The following LGALSL variants were observed in gnomAD, a reference collection of about 807,000 sequenced individuals.
LGALSL encodes the protein galectin-related protein.
In LGALSL, 13 loss-of-function variants were observed where a neutral mutation model predicts 19.5. The observed-to-expected ratio is 0.67, with a 90% CI of 0.43 to 1.06. The LOEUF (loss-of-function observed/expected upper bound fraction) is 1.06. Among genes scored for constraint, LGALSL ranks in the 50% least tolerant of loss-of-function variants. LGALSL has a pLI of 0.00. For missense variants in LGALSL, 189 were observed against 219.3 expected, an observed-to-expected ratio of 0.86 and a Z score of 0.87; for synonymous variants, 86 against 78.3, an observed-to-expected ratio of 1.10 and a Z score of -0.52.
rs1052498130 is a variant in LGALSL, at chr2:64,454,797, G to A, written c.36+216G>A. ...GGCTGCGGGGCTCTGGGCTGGGGAG[G>A]GAGTTTGGGGAGGATGGCGGGTAGG... On this transcript the variant is annotated intron_variant, in intron 1 of 4. Transcript: ENST00000238875. The surrounding 1 kb of genome is among the most constrained non-coding windows in gnomAD (Gnocchi z 5.1). Among the ~76,000 whole-genome samples the A allele has an allele frequency of 5.9e-5, 9 of 151,980 alleles. No homozygotes were observed. Among genetic ancestry groups the A allele is most frequent in the African/African-American group, 1.9e-4 (8 of 41,384 alleles).
Position 64,458,578 on chromosome 2 carries a change from AAGCTGTTGGGACAAAGACACCG to A in LGALSL, c.*154_*175del. The stretch of plus-strand genomic sequence containing the variant: ...TAAGGGTGGTTTGCCCTTAAGAAGA[AAGCTGTTGGGACAAAGACACCG>A]AGCCATTATACCCAGAATAAAATAA... On this transcript the variant is annotated 3_prime_UTR_variant, in exon 5 of 5. Coordinates refer to ENST00000238875, the MANE Select transcript of LGALSL (RefSeq NM_014181.3). 1 of 707,190 alleles carries A rather than the reference AAGCTGTTGGGACAAAGACACCG, an allele frequency of 1.4e-6. No individual in the cohort carries two copies. Among genetic ancestry groups the A allele is most frequent in the Non-Finnish European group, 2.3e-6 (1 of 438,706 alleles). 43.8% of individuals were successfully genotyped at this position (707,190 alleles called of 1,614,324 possible). A position where few individuals can be genotyped will look rare whatever the true frequency, so the allele number is the denominator to read the frequency against.
rs913256456 is a variant in LGALSL at position 64,460,324 on chromosome 2, C to A, written c.*1896C>A. 1 of 152,146 alleles carries A rather than the reference C, an allele frequency of 6.6e-6. No homozygotes were observed. Among genetic ancestry groups the A allele is most frequent in the African/African-American group, 2.4e-5 (1 of 41,424 alleles). 9.4% of individuals were successfully genotyped at this position (152,146 alleles called of 1,614,324 possible). A position where few individuals can be genotyped will look rare whatever the true frequency, so the allele number is the denominator to read the frequency against. On this transcript the variant is annotated 3_prime_UTR_variant, in exon 5 of 5. Transcript: ENST00000238875. Reference sequence around the variant, plus strand: ...TTCTGTGGTTCCAGGTATTTTCAAGCCTGTGATTAACTTCTCATGGCTTGT... The same window carrying A: ...TTCTGTGGTTCCAGGTATTTTCAAGACTGTGATTAACTTCTCATGGCTTGT...
At position 64,456,594 on chromosome 2, in the gene LGALSL, GA is replaced by G. The variant is rs373630666; in HGVS notation, c.375+138del. On this transcript the variant is annotated intron_variant, in intron 4 of 4. Coordinates refer to ENST00000238875, the MANE Select transcript of LGALSL (RefSeq NM_014181.3). ...TCCAGGAAATTTGTCACCCAATGGT[GA>G]AAAAAAAAGATCAAAAGAGCTCTGT... 145 of 646,308 alleles carry G rather than the reference GA, an allele frequency of 2.2e-4. 1 individual carries two copies. Among genetic ancestry groups the G allele is most frequent in the Middle Eastern group, 8.7e-4 (2 of 2,290 alleles). The allele number at this position is 646,308 out of a possible 1,614,324, so 40.0% of individuals were successfully genotyped here.
rs933753597 is a variant in LGALSL, at chr2:64,458,429, T to C, written c.*1T>C. On this transcript the variant is annotated 3_prime_UTR_variant, in exon 5 of 5. Coordinates refer to ENST00000238875, the MANE Select transcript of LGALSL (RefSeq NM_014181.3). ...CCTCCAGATCACCAAGCTTGGCTGATTTAAACCACCTCTATTTCAAATAGG... is the reference window on the plus strand; with the variant it reads ...CCTCCAGATCACCAAGCTTGGCTGACTTAAACCACCTCTATTTCAAATAGG... 1.2e-6 allele frequency: 2 copies of C among 1,612,114 alleles called. No individual in the cohort carries two copies. Among genetic ancestry groups the C allele is most frequent in the Non-Finnish European group, 1.7e-6 (2 of 1,178,974 alleles).
In LGALSL at chr2:64,454,984, G is replaced by A. The variant is rs562107489; in HGVS notation, c.37-360G>A. On this transcript the variant is annotated intron_variant, in intron 1 of 4. Transcript: ENST00000238875. This position sits in a 1 kb window ranked among gnomAD's most constrained non-coding sequence, Gnocchi z 5.1. ...CTCCCGAGAGAAGTTGAGCACGGCC[G>A]CTGCACTTCAGTCACGTCCCGAAGG... Among the ~76,000 whole-genome samples the A allele has an allele frequency of 7.2e-5, 11 of 152,304 alleles. No homozygotes were observed. Among genetic ancestry groups the A allele is most frequent in the African/African-American group, 2.4e-4 (10 of 41,584 alleles).
rs745986136 is a variant in LGALSL, at chr2:64,455,591, A to G, written c.111A>G (p.Ile37Met). ...TTTTCTTCTCCCACCCTTTTCAGAT[A>G]GTTCCATTTTGTGGGCACATTAAAG... ...VQADVYFPRL[I>M]VPFCGHIKGG... Residue 37 changes from isoleucine (I) to methionine (M), a missense_variant and splice_region_variant, in exon 3 of 5, where the codon ATA (isoleucine) becomes ATG (methionine). Transcript: ENST00000238875. 4.3e-6 allele frequency: 7 copies of G among 1,613,546 alleles called. No individual in the cohort carries two copies.
intron 4 of LGALSL, 65 bp downstream of exon 4, chr2:64,456,530 T>C: frequency 7.5e-7 from 1 of 1,335,464 alleles, no homozygotes. Flanking sequence ...TTACCTAGTG[T>C]GTGCCAAGAA....
At chr2:64,456,489 T>G in intron 4 of LGALSL, 24 bp downstream of exon 4, 2 of 1,509,774 alleles carry the variant, frequency 1.3e-6, no homozygotes, top group Non-Finnish European at 1.8e-6. Context: ...GTGCCTCGGC[T>G]CCAGCCACTG....
chr2:64,454,458 G>GCGCCCC lies in LGALSL; in HGVS notation c.-75_-70dup, dbSNP rs1218187750. The GCGCCCC allele has an allele frequency of 2.4e-5, 16 of 670,052 alleles. No individual in the cohort carries two copies. Among genetic ancestry groups the GCGCCCC allele is most frequent in the South Asian group, 2.1e-4 (3 of 14,048 alleles). The allele number at this position is 670,052 out of a possible 1,614,324, so 41.5% of individuals were successfully genotyped here. A position where few individuals can be genotyped will look rare whatever the true frequency, so the allele number is the denominator to read the frequency against. On this transcript the variant is annotated 5_prime_UTR_variant, in exon 1 of 5. Coordinates refer to ENST00000238875, the MANE Select transcript of LGALSL (RefSeq NM_014181.3). This position sits in a 1 kb window ranked among gnomAD's most constrained non-coding sequence, Gnocchi z 5.1. ...GCGCGCCCGCCGCCAGCTCGGACCC[G>GCGCCCC]CGCCCCCGCCCCCGCCCCGCGCAGG... is the stretch of plus-strand genomic sequence containing the variant.
rs1284588143 is a variant in LGALSL, at chr2:64,456,427, A to G, written c.337A>G (p.Ile113Val). The part of the protein sequence containing the change: ...SGERGEEQSA[I>V]PYFPFIPDQP... ...GGAGAGGGGTGAAGAACAGTCAGCAATCCCTTACTTTCCATTCATTCCAGA... is the reference window on the plus strand; with the variant it reads ...GGAGAGGGGTGAAGAACAGTCAGCAGTCCCTTACTTTCCATTCATTCCAGA... Residue 113 changes from isoleucine to valine, a missense_variant, in exon 4 of 5, where the codon ATC becomes GTC. Ile to Val is a conservative substitution (Grantham distance 29). Around this residue, in one of 3 missense-constraint regions of LGALSL, gnomAD observed 106 missense variants for 119.3 expected, o/e 0.89. Transcript: ENST00000238875. 2 of 1,604,354 alleles carry G rather than the reference A, an allele frequency of 1.2e-6. No homozygotes were observed. The highest frequency in any genetic ancestry group is 3.4e-5 in the Admixed American group (2 of 58,756).
chr2:64,456,372 G>A lies in LGALSL; in HGVS notation c.282G>A (p.Arg94=). The change falls in exon 4 of 5, where the codon CGG becomes CGA. Residue 94 remains arginine (R), a synonymous_variant. Transcript: ENST00000238875. ...AIELKAVFTD[R]QLLRNSCISG... ...AACTCAAAGCTGTGTTCACAGATCGGCAGCTACTCAGAAATTCTTGTATAT... is the reference window on the plus strand; with the variant it reads ...AACTCAAAGCTGTGTTCACAGATCGACAGCTACTCAGAAATTCTTGTATAT... 6.2e-7 allele frequency: 1 copy of A among 1,612,100 alleles called. No individual in the cohort carries two copies. Among genetic ancestry groups the A allele is most frequent in the South Asian group, 1.1e-5 (1 of 90,680 alleles).
chr2:64,458,475 G>T lies in LGALSL; in HGVS notation c.*47G>T. ...ATAGGATCACGTGCCACAACTATCT[G>T]ACTGTTGGTCTGGAAGAAGTGTCCT... On this transcript the variant is annotated 3_prime_UTR_variant, in exon 5 of 5. Transcript: ENST00000238875. The T allele has an allele frequency of 6.4e-7, 1 of 1,569,660 alleles. No homozygotes were observed. Among genetic ancestry groups the T allele is most frequent in the South Asian group, 1.1e-5 (1 of 87,006 alleles).
At position 64,458,584 on chromosome 2, in the gene LGALSL, T is replaced by C. The variant is rs1167501638; in HGVS notation, c.*156T>C. The stretch of plus-strand genomic sequence containing the variant: ...TGGTTTGCCCTTAAGAAGAAAGCTG[T>C]TGGGACAAAGACACCGAGCCATTAT... On this transcript the variant is annotated 3_prime_UTR_variant, in exon 5 of 5. Coordinates refer to ENST00000238875, the MANE Select transcript of LGALSL (RefSeq NM_014181.3). 2 of 670,148 alleles carry C rather than the reference T, an allele frequency of 3.0e-6. No homozygotes were observed. The highest frequency in any genetic ancestry group is 2.9e-5 in the Admixed American group (1 of 34,460). 41.5% of individuals were successfully genotyped at this position (670,148 alleles called of 1,614,324 possible).
Position 64,458,524 on chromosome 2 carries a change from G to T in LGALSL, c.*96G>T. On this transcript the variant is annotated 3_prime_UTR_variant, in exon 5 of 5. Coordinates refer to ENST00000238875, the MANE Select transcript of LGALSL (RefSeq NM_014181.3). ...CTAGCAAGATCTGGAGACTTAAAAA[G>T]AAAACAAAAACAAATGGCAAGTTTC... is the stretch of plus-strand genomic sequence containing the variant. The T allele has an allele frequency of 7.8e-7, 1 of 1,280,476 alleles. No individual in the cohort carries two copies. The highest frequency in any genetic ancestry group is 1.1e-6 in the Non-Finnish European group (1 of 936,120). 79.3% of individuals were successfully genotyped at this position (1,280,476 alleles called of 1,614,324 possible). A position where few individuals can be genotyped will look rare whatever the true frequency, so the allele number is the denominator to read the frequency against.
rs923593196 is a variant in LGALSL, at chr2:64,460,112, A to C, written c.*1684A>C. The stretch of plus-strand genomic sequence containing the variant: ...ACAGTGTTTCAGTACCAAAGTCTAA[A>C]ATAAACTAAAATTATGAATTTTTTA... On this transcript the variant is annotated 3_prime_UTR_variant, in exon 5 of 5. Transcript: ENST00000238875. 19 of 152,138 alleles carry C rather than the reference A, an allele frequency of 1.2e-4. No homozygotes were observed. Among genetic ancestry groups the C allele is most frequent in the African/African-American group, 4.6e-4 (19 of 41,440 alleles). The allele number at this position is 152,138 out of a possible 1,614,324, so 9.4% of individuals were successfully genotyped here. A position where few individuals can be genotyped will look rare whatever the true frequency, so the allele number is the denominator to read the frequency against.
Position 64,459,695 on chromosome 2 carries a change from C to T in LGALSL, c.*1267C>T, listed in dbSNP as rs1454724988. The T allele has an allele frequency of 6.6e-6, 1 of 152,220 alleles. No individual in the cohort carries two copies. The highest frequency in any genetic ancestry group is 6.5e-5 in the Admixed American group (1 of 15,278). The allele number at this position is 152,220 out of a possible 1,614,324, so 9.4% of individuals were successfully genotyped here. On this transcript the variant is annotated 3_prime_UTR_variant, in exon 5 of 5. Transcript: ENST00000238875. ...CTCCCAGGACTCCAGGTCTTTGAATCCAGCCAGTAGAGTGAATGCTTCCAA... is the reference window on the plus strand; with the variant it reads ...CTCCCAGGACTCCAGGTCTTTGAATTCAGCCAGTAGAGTGAATGCTTCCAA...
Position 64,454,189 on chromosome 2 carries a change from A to C in LGALSL, c.-357A>C, listed in dbSNP as rs1409338221. 7 of 392,238 alleles carry C rather than the reference A, an allele frequency of 1.8e-5. No individual in the cohort carries two copies. The East Asian group carries it at 2.5e-4, about 14-fold the overall frequency. 24.3% of individuals were successfully genotyped at this position (392,238 alleles called of 1,614,324 possible). The stretch of plus-strand genomic sequence containing the variant: ...TCCCGGTTCCCGAGCCGGGCCCCGG[A>C]GGCCTTTAAATGCTGCCCAGGGCCG... On this transcript the variant is annotated 5_prime_UTR_variant, in exon 1 of 5. Coordinates refer to ENST00000238875, the MANE Select transcript of LGALSL (RefSeq NM_014181.3). The surrounding 1 kb of genome is among the most constrained non-coding windows in gnomAD (Gnocchi z 5.1).
At position 64,461,083 on chromosome 2, in the gene LGALSL, C is replaced by A. The variant is rs780864338; in HGVS notation, c.*2655C>A. The A allele has an allele frequency of 6.6e-6, 1 of 152,084 alleles. No individual in the cohort carries two copies. Among genetic ancestry groups the A allele is most frequent in the Non-Finnish European group, 1.5e-5 (1 of 68,008 alleles). 9.4% of individuals were successfully genotyped at this position (152,084 alleles called of 1,614,324 possible). ...GAAGCCCCATTTCAAATCTTGCCGA[C>A]CTTAGTTCAAAGCCCCCTGAGAGAT... On this transcript the variant is annotated 3_prime_UTR_variant, in exon 5 of 5. Transcript: ENST00000238875.
rs1160004817 is a variant in LGALSL at position 64,460,762 on chromosome 2, C to G, written c.*2334C>G. On this transcript the variant is annotated 3_prime_UTR_variant, in exon 5 of 5. Transcript: ENST00000238875. ...ACAATATTCACACCCTCTCCTGGGC[C>G]TGTAAGGTCTAAGGTGAGAATTTCA... 2 of 152,154 alleles carry G rather than the reference C, an allele frequency of 1.3e-5. No individual in the cohort carries two copies. Among genetic ancestry groups the G allele is most frequent in the South Asian group, 4.1e-4 (2 of 4,832 alleles). 9.4% of individuals were successfully genotyped at this position (152,154 alleles called of 1,614,324 possible).
Sources: allele counts gnomAD v4.1 joint callset (sites outside exome capture counted in the v4.1 genomes callset), GRCh38; gene constraint gnomAD v4.1.1; regional missense constraint gnomAD v4.1.1; non-coding constraint Gnocchi (gnomAD v3.1); transcripts MANE v1.5; gene names NCBI Gene and HGNC (gene_info 2026-07-23, HGNC 2026-07-21).